The following SRGAP1 variants were observed in gnomAD, a reference collection of about 807,000 sequenced individuals.
The protein encoded by SRGAP1 is SLIT-ROBO Rho GTPase-activating protein 1.
A neutral mutation model predicts 121.9 loss-of-function variants in SRGAP1; 43 were observed. That is an observed-to-expected ratio of 0.35 (90% CI 0.28 to 0.46). The LOEUF is 0.46. Ranked by LOEUF, SRGAP1 falls within the 20% of genes least tolerant of loss-of-function variation. The pLI is 1.00. For missense variants in SRGAP1, 1,102 were observed against 1,350.9 expected, an observed-to-expected ratio of 0.82 and a Z score of 2.89; for synonymous variants, 447 against 485.4, an observed-to-expected ratio of 0.92 and a Z score of 1.04.
chr12:63,889,912 A>T (rs933439053), intron 1 of SRGAP1, among the ~76,000 whole-genome samples: 3 of 152,146 alleles, frequency 2.0e-5, no homozygotes, highest in African/African-American at 7.2e-5. Context: ...AGTCTCAAAA[A>T]AAAAAAGAAA....
intron 4 of SRGAP1, among the ~76,000 whole-genome samples, chr12:64,040,244 T>G (rs549694431): frequency 6.6e-6 from 1 of 152,330 alleles, no homozygotes; most frequent in Non-Finnish European, 1.5e-5. Context: ...GTTCCAGTGA[T>G]GCTTCCAGGT....
At chr12:64,079,681 A>G (rs1007969531) in intron 9 of SRGAP1, among the ~76,000 whole-genome samples, 3 of 151,182 alleles carry the variant, frequency 2.0e-5, no homozygotes, top group Non-Finnish European at 4.4e-5. Context: ...GTGAGACCCC[A>G]ACTCTAAAAT....
chr12:64,013,096 T>C (rs2034298859), intron 3 of SRGAP1, among the ~76,000 whole-genome samples: 1 of 152,190 alleles, frequency 6.6e-6, no homozygotes, highest in African/African-American at 2.4e-5. Context: ...TTAAAGGATT[T>C]CAGTTCATTA....
chr12:64,087,807 T>C (rs1448478259), intron 11 of SRGAP1, among the ~76,000 whole-genome samples: 1 of 152,212 alleles, frequency 6.6e-6, no homozygotes, highest in African/African-American at 2.4e-5. Context: ...GCTGTCTATA[T>C]ATTCTCCATT....
At chr12:63,868,446 G>C (rs1565927946) in intron 1 of SRGAP1, among the ~76,000 whole-genome samples, 1 of 152,052 alleles carries the variant, frequency 6.6e-6, no homozygotes, top group African/African-American at 2.4e-5. Flanking sequence ...CATAATCTCA[G>C]CTCACTGCAG....
chr12:64,018,680 C>T (rs990882370), intron 4 of SRGAP1, among the ~76,000 whole-genome samples: 3 of 152,138 alleles, frequency 2.0e-5, no homozygotes, highest in Non-Finnish European at 4.4e-5. Flanking sequence ...TCTATGTGTT[C>T]CTCCTTCAGA....
chr12:63,906,278 CCTTTTTTTTAATAGTT>C (rs1225089125), intron 1 of SRGAP1, among the ~76,000 whole-genome samples: 2 of 151,760 alleles, frequency 1.3e-5, no homozygotes, highest in African/African-American at 4.8e-5. Flanking sequence ...ATGTATAAGT[CCTTTTTTTTAATAGTT>C]CTTTTTTTGT....
intron 1 of SRGAP1, among the ~76,000 whole-genome samples, chr12:63,916,852 C>T (rs2030802716): frequency 6.6e-6 from 1 of 152,160 alleles, no homozygotes. Flanking sequence ...TTCTGCTCCA[C>T]CCTCTATCCA....
At chr12:64,056,448 G>A (rs953931275) in intron 6 of SRGAP1, among the ~76,000 whole-genome samples, 5 of 151,268 alleles carry the variant, frequency 3.3e-5, no homozygotes, top group African/African-American at 1.2e-4. Context: ...AACTAGTTGG[G>A]AGGATGAGGC....
intron 4 of SRGAP1, among the ~76,000 whole-genome samples, chr12:64,026,415 T>C (rs1465499955): frequency 6.6e-6 from 1 of 152,148 alleles, no homozygotes; most frequent in Non-Finnish European, 1.5e-5. Flanking sequence ...ATGTAAAAAA[T>C]CATGTAAAGG....
intron 1 of SRGAP1, among the ~76,000 whole-genome samples, chr12:63,911,044 A>C (rs1376947588): frequency 6.6e-6 from 1 of 152,178 alleles, no homozygotes; most frequent in East Asian, 1.9e-4. Flanking sequence ...TCATGCCTGT[A>C]ATCCCAGCAC....
intron 3 of SRGAP1, among the ~76,000 whole-genome samples, chr12:64,010,044 G>C (rs1343832163): frequency 6.6e-6 from 1 of 152,082 alleles, no homozygotes; most frequent in African/African-American, 2.4e-5. Flanking sequence ...CATGAGCTTT[G>C]GAAACTTAAA....
At chr12:63,981,277 T>C (rs1202104528) in intron 1 of SRGAP1, among the ~76,000 whole-genome samples, 5 of 152,200 alleles carry the variant, frequency 3.3e-5, no homozygotes, top group African/African-American at 1.2e-4. Flanking sequence ...AAAAAGCCTG[T>C]ATAATTTTTG....
At chr12:64,004,998 T>C (rs2034035686) in intron 3 of SRGAP1, among the ~76,000 whole-genome samples, 1 of 152,180 alleles carries the variant, frequency 6.6e-6, no homozygotes, top group Non-Finnish European at 1.5e-5. Flanking sequence ...TTGTGATACC[T>C]TGGAATATAT....
intron 1 of SRGAP1, among the ~76,000 whole-genome samples, chr12:63,864,227 A>G (rs1367655297): frequency 6.6e-6 from 1 of 152,210 alleles, no homozygotes; most frequent in Non-Finnish European, 1.5e-5. Flanking sequence ...GATTTCCTCC[A>G]GCAATCTTGG....
intron 15 of SRGAP1, among the ~76,000 whole-genome samples, chr12:64,102,124 C>A (rs890282321): frequency 6.6e-6 from 1 of 152,194 alleles, no homozygotes; most frequent in Non-Finnish European, 1.5e-5. Context: ...ACCCTTAAAA[C>A]CAACAATAAT....
intron 1 of SRGAP1, among the ~76,000 whole-genome samples, chr12:63,970,321 A>G (rs1035094390): frequency 5.3e-5 from 8 of 152,236 alleles, no homozygotes; most frequent in Non-Finnish European, 1.0e-4. Flanking sequence ...CTATTTATGC[A>G]TCTGATCATG....
intron 1 of SRGAP1, among the ~76,000 whole-genome samples, chr12:63,926,500 T>C (rs972777833): frequency 6.6e-6 from 1 of 152,188 alleles, no homozygotes; most frequent in Admixed American, 6.5e-5. Flanking sequence ...CTGCCTGCCT[T>C]CTGGGTAGGG....
rs538381858 is a variant in SRGAP1 at position 64,111,339 on chromosome 12, T to C, written c.1920-423T>C. On this transcript the variant is annotated intron_variant, in intron 16 of 21. Coordinates refer to ENST00000355086, the MANE Select transcript of SRGAP1 (RefSeq NM_020762.4). ...TTTTCTAGGCTTTCTCCAAGATTTATAGGAGAAAACTAAAAATCTGAGATA... is the reference window on the plus strand; with the variant it reads ...TTTTCTAGGCTTTCTCCAAGATTTACAGGAGAAAACTAAAAATCTGAGATA... 1.7e-3 allele frequency among the ~76,000 whole-genome samples: 264 copies of C among 152,248 alleles called. 1 individual carries two copies. The highest frequency in any genetic ancestry group is 6.1e-3 in the African/African-American group (253 of 41,554).
Sources: gnomAD v4.1 joint callset for allele counts (sites outside exome capture counted in the v4.1 genomes callset) on GRCh38, gnomAD v4.1.1 for gene constraint, MANE v1.5 for transcripts, NCBI Gene and HGNC (gene_info 2026-07-23, HGNC 2026-07-21) for gene names.